Variants in CLPB observed in about 807,000 individuals in gnomAD.
The protein encoded by CLPB is ClpB family mitochondrial disaggregase.
Under a neutral mutation model 78.4 loss-of-function variants are expected in CLPB, and 40 were observed. The ratio of observed to expected loss-of-function variants is 0.51; its 90% CI spans 0.40 to 0.66. CLPB has a LOEUF of 0.66. Among genes scored for constraint, CLPB ranks in the 30% least tolerant of loss-of-function variants. The pLI is 0.00. For missense variants in CLPB, 780 were observed against 886.9 expected (o/e 0.88, Z 1.53); for synonymous variants, 333 against 348.0 (o/e 0.96, Z 0.48).
At chr11:72,419,341 G>A (rs1178445219) in intron 2 of CLPB, among the ~76,000 whole-genome samples, 1 of 152,206 alleles carries the variant, frequency 6.6e-6, no homozygotes, top group African/African-American at 2.4e-5. Flanking sequence ...GGCCCTGAGC[G>A]ATTACAGCTT....
chr11:72,390,192 C>G (rs1855206314), intron 3 of CLPB, among the ~76,000 whole-genome samples: 1 of 152,096 alleles, frequency 6.6e-6, no homozygotes, highest in Non-Finnish European at 1.5e-5. Context: ...AATCCCAGCA[C>G]TCCGGGAGGC....
chr11:72,355,340 A>C (rs141084622), intron 5 of CLPB: 1 of 152,216 alleles, frequency 6.6e-6, no homozygotes, highest in Non-Finnish European at 1.5e-5. Context: ...CAGGATGGGA[A>C]TATCGTAGGT....
At chr11:72,381,742 G>A (rs779453721) in intron 3 of CLPB, among the ~76,000 whole-genome samples, 19 of 151,680 alleles carry the variant, frequency 1.3e-4, no homozygotes, top group Non-Finnish European at 2.2e-4. Context: ...CAGCCAAGTT[G>A]GTCCACACAG....
At chr11:72,397,429 T>G (rs1022574659) in intron 3 of CLPB, among the ~76,000 whole-genome samples, 14 of 152,358 alleles carry the variant, frequency 9.2e-5, no homozygotes, top group South Asian at 8.3e-4. Flanking sequence ...AATGTATACT[T>G]TACCTTTATA....
In CLPB at chr11:72,434,204, G is replaced by A. The variant is rs1334666559; in HGVS notation, c.271C>T (p.Leu91Phe). Residue 91 changes from leucine (L) to phenylalanine (F), a missense_variant, in exon 1 of 16, where the codon CTT (leucine) becomes TTT (phenylalanine). Around this residue, in one of 3 missense-constraint regions of CLPB, gnomAD observed 417 missense variants for 414.7 expected, o/e 1.01. Transcript: ENST00000538039. ...KCLAAATWGR[L>F]PGPEETLPGQ... is the part of the protein sequence containing the mutation. The stretch of plus-strand genomic sequence containing the variant: ...GGGAGTGTTTCTTCGGGACCAGGAA[G>A]GCGTCCCCAAGTGGCAGCCGCGAGG... The A allele has an allele frequency of 1.2e-6, 2 of 1,613,468 alleles. No individual in the cohort carries two copies. Among genetic ancestry groups the A allele is most frequent in the African/African-American group, 1.3e-5 (1 of 74,932 alleles).
At position 72,293,791 on chromosome 11, in the gene CLPB, G is replaced by A. The variant is rs12793524; in HGVS notation, c.1786-176C>T. ...CTCGCAGGACTGCGCTCAAGTTTCTGAGGCTCCCAGCCCAGTTCCCTGGTC... is the reference window on the plus strand; with the variant it reads ...CTCGCAGGACTGCGCTCAAGTTTCTAAGGCTCCCAGCCCAGTTCCCTGGTC... On this transcript the variant is annotated intron_variant, in intron 15 of 15. Coordinates refer to ENST00000538039, the MANE Select transcript of CLPB (RefSeq NM_001258392.3). Among the ~76,000 whole-genome samples the A allele has an allele frequency of 0.4, 60,495 of 152,102 alleles. 12,606 individuals are homozygous for A. Among genetic ancestry groups the A allele is most frequent in the South Asian group, 0.52 (2,504 of 4,824 alleles).
Position 72,405,626 on chromosome 11 carries a change from G to A in CLPB, c.456-2574C>T, listed in dbSNP as rs1322743282. Among the ~76,000 whole-genome samples, 3 of 152,042 alleles carry A rather than the reference G, an allele frequency of 2.0e-5. 1 individual carries two copies. Among genetic ancestry groups the A allele is most frequent in the African/African-American group, 7.2e-5 (3 of 41,386 alleles). On this transcript the variant is annotated intron_variant, in intron 2 of 15. Coordinates refer to ENST00000538039, the MANE Select transcript of CLPB (RefSeq NM_001258392.3). ...AGTTCTTGCTGTGGAGCCTTTGAAA[G>A]AGCCTCAGAATCCTCTTCAAGGCCG...
chr11:72,309,661 G>A (rs75074654), intron 7 of CLPB, among the ~76,000 whole-genome samples: 1,601 of 152,164 alleles, frequency 0.011, 26 homozygotes, highest in African/African-American at 0.037. Context: ...TAAACCTGTC[G>A]TCTTTTTTTA....
intron 5 of CLPB, among the ~76,000 whole-genome samples, chr11:72,334,360 C>T (rs747740063): frequency 2.0e-5 from 3 of 152,162 alleles, no homozygotes; most frequent in Admixed American, 6.5e-5. Flanking sequence ...TGACCATTCA[C>T]GGAGAAGGCT....
intron 7 of CLPB, among the ~76,000 whole-genome samples, chr11:72,315,378 G>C (rs1022997787): frequency 3.3e-5 from 5 of 152,228 alleles, no homozygotes; most frequent in African/African-American, 1.2e-4. Context: ...CCTCAGGATC[G>C]AGAGCAGCTC....
chr11:72,430,430 G>T, intron 1 of CLPB, 67 bp from the exon 2 acceptor site: 2 of 1,427,480 alleles, frequency 1.4e-6, no homozygotes, highest in Non-Finnish European at 1.9e-6. Flanking sequence ...CTGCGTGGAG[G>T]GCCCACTAAG....
At chr11:72,309,416 G>C (rs888084096) in intron 7 of CLPB, among the ~76,000 whole-genome samples, 5 of 152,188 alleles carry the variant, frequency 3.3e-5, no homozygotes, top group African/African-American at 1.2e-4. Context: ...ACATTCTCAA[G>C]TATACGAGTG....
chr11:72,407,159 G>A (rs1288066001), intron 2 of CLPB, among the ~76,000 whole-genome samples: 1 of 152,184 alleles, frequency 6.6e-6, no homozygotes, highest in East Asian at 1.9e-4. Flanking sequence ...ACCTATGTGA[G>A]CATTTCCCTG....
At chr11:72,333,785 C>T (rs902540247) in intron 5 of CLPB, among the ~76,000 whole-genome samples, 3 of 152,194 alleles carry the variant, frequency 2.0e-5, no homozygotes, top group Non-Finnish European at 4.4e-5. Context: ...CTTTCTCTGG[C>T]GCTCAGCACT....
At chr11:72,300,398 G>A (rs1159237512) in intron 11 of CLPB, among the ~76,000 whole-genome samples, 1 of 152,206 alleles carries the variant, frequency 6.6e-6, no homozygotes, top group Non-Finnish European at 1.5e-5. Flanking sequence ...ATTCGGGTCT[G>A]GTCATAGCTG....
At chr11:72,403,204 A>G in intron 2 of CLPB, 152 bp from the exon 3 acceptor site, 1 of 771,036 alleles carries the variant, frequency 1.3e-6, no homozygotes, top group Non-Finnish European at 2.2e-6. Flanking sequence ...CATAGTCAAC[A>G]AACAGAGCCT....
intron 2 of CLPB, among the ~76,000 whole-genome samples, chr11:72,409,270 C>T (rs568343403): frequency 2.6e-5 from 4 of 152,198 alleles, no homozygotes; most frequent in African/African-American, 7.2e-5. Context: ...GTGGTAGACA[C>T]AGAGTAGACC....
intron 10 of CLPB, 83 bp downstream of exon 10, chr11:72,302,221 C>A: frequency 1.4e-6 from 2 of 1,409,134 alleles, no homozygotes; most frequent in Non-Finnish European, 2.0e-6. Context: ...CTGGAATTAT[C>A]TGAGGCCCAA....
chr11:72,405,052 G>A (rs897521272), intron 2 of CLPB, among the ~76,000 whole-genome samples: 2 of 152,172 alleles, frequency 1.3e-5, no homozygotes, highest in East Asian at 1.9e-4. Flanking sequence ...GGATGGCCTC[G>A]CTTCTCTGAC....
Sources: allele counts gnomAD v4.1 joint callset (sites outside exome capture counted in the v4.1 genomes callset), GRCh38; gene constraint gnomAD v4.1.1; regional missense constraint gnomAD v4.1.1; transcripts MANE v1.5; gene names NCBI Gene and HGNC (gene_info 2026-07-23, HGNC 2026-07-21).